The following CADPS variants were observed in gnomAD, a reference collection of about 807,000 sequenced individuals.
The protein encoded by CADPS is calcium dependent secretion activator.
A neutral mutation model predicts 167.3 loss-of-function variants in CADPS; 57 were observed. The observed-to-expected ratio is 0.34, with a 90% confidence interval of 0.28 to 0.42. CADPS has a LOEUF of 0.42. Ranked by LOEUF, CADPS falls within the 20% of genes least tolerant of loss-of-function variation. The pLI is 1.00. For synonymous variants in CADPS, 676 were observed against 635.3 expected, an observed-to-expected ratio of 1.06 and a Z score of -0.96; for missense variants, 1,414 against 1,738.1, an observed-to-expected ratio of 0.81 and a Z score of 3.32.
At chr3:62,639,543 G>GT (rs1421299731) in intron 6 of CADPS, among the ~76,000 whole-genome samples, 2 of 152,086 alleles carry the variant, frequency 1.3e-5, no homozygotes, top group African/African-American at 4.8e-5. Flanking sequence ...TTCAAAGGTC[G>GT]TATCTGTGTT....
chr3:62,507,154 C>G (rs185382720), intron 17 of CADPS, among the ~76,000 whole-genome samples: 2 of 152,110 alleles, frequency 1.3e-5, no homozygotes, highest in African/African-American at 4.8e-5. Context: ...CTGTCTTGGG[C>G]GGGAGCTTGG....
At chr3:62,558,866 G>A (rs1362789239) in intron 9 of CADPS, among the ~76,000 whole-genome samples, 1 of 152,196 alleles carries the variant, frequency 6.6e-6, no homozygotes, top group Non-Finnish European at 1.5e-5. Flanking sequence ...CTGGGTCACT[G>A]AGAGTATTTT....
chr3:62,669,098 C>G (rs761694622), intron 3 of CADPS, among the ~76,000 whole-genome samples: 2 of 152,194 alleles, frequency 1.3e-5, no homozygotes, highest in African/African-American at 2.4e-5. Context: ...ACAGGGGTCT[C>G]TATAAGCAGC....
intron 9 of CADPS, 49 bp from the exon 10 acceptor site, chr3:62,557,562 T>C (rs1217366256): frequency 7.0e-7 from 1 of 1,436,592 alleles, no homozygotes; most frequent in African/African-American, 1.4e-5. Context: ...GCCTGTCTTC[T>C]CCAAAAAACC....
At chr3:62,811,214 T>G (rs928072062) in intron 1 of CADPS, among the ~76,000 whole-genome samples, 3 of 151,694 alleles carry the variant, frequency 2.0e-5, no homozygotes. Flanking sequence ...ACTAAGAGAG[T>G]AGCCTAACAT....
intron 1 of CADPS, among the ~76,000 whole-genome samples, chr3:62,839,222 T>C (rs1017487986): frequency 9.2e-5 from 14 of 151,768 alleles, no homozygotes; most frequent in Non-Finnish European, 1.9e-4. Context: ...TGAGACAGAG[T>C]CTTGCTCGGT....
At chr3:62,440,968 G>C (rs1427844517) in intron 27 of CADPS, 3 of 152,220 alleles carry the variant, frequency 2.0e-5, no homozygotes, top group Non-Finnish European at 2.9e-5. Flanking sequence ...CTGAGTCATT[G>C]AGAAAAGATT....
At chr3:62,689,560 C>CT (rs1410461102) in intron 3 of CADPS, among the ~76,000 whole-genome samples, 2 of 151,918 alleles carry the variant, frequency 1.3e-5, no homozygotes, top group African/African-American at 4.8e-5. Flanking sequence ...AAAATGTAGT[C>CT]TTTTTTTATA....
At chr3:62,477,107 T>G (rs1488586738) in intron 23 of CADPS, among the ~76,000 whole-genome samples, 2 of 152,220 alleles carry the variant, frequency 1.3e-5, no homozygotes, top group Non-Finnish European at 2.9e-5. Flanking sequence ...GCTGAGATGC[T>G]GTTCACCTAC....
chr3:62,515,910 A>C, intron 16 of CADPS, 149 bp downstream of exon 16: 1 of 867,854 alleles, frequency 1.2e-6, no homozygotes, highest in Non-Finnish European at 1.7e-6. Flanking sequence ...ACAGCCAAGG[A>C]AACTTCGACA....
intron 18 of CADPS, among the ~76,000 whole-genome samples, chr3:62,496,681 T>C (rs887808288): frequency 7.9e-5 from 12 of 152,178 alleles, no homozygotes; most frequent in African/African-American, 2.9e-4. Flanking sequence ...AGAGAAGTTA[T>C]ACTGGAAGAG....
In CADPS at chr3:62,814,326, A is replaced by C. The variant is rs142270173; in HGVS notation, c.442-48342T>G. 848 of 152,272 alleles carry C rather than the reference A, an allele frequency of 5.6e-3. 11 individuals carry two copies. Among genetic ancestry groups the C allele is most frequent in the African/African-American group, 0.019 (785 of 41,562 alleles). 9.4% of individuals were successfully genotyped at this position (152,272 alleles called of 1,614,324 possible). ...AATAAAAACAGGTGAAATTTTCATA[A>C]TATGTTTAACTCAATATAGCCACAA... On this transcript the variant is annotated intron_variant, in intron 1 of 29. Transcript: ENST00000383710.
chr3:62,713,972 T>G (rs1253935700), intron 3 of CADPS, among the ~76,000 whole-genome samples: 2 of 152,206 alleles, frequency 1.3e-5, no homozygotes, highest in Non-Finnish European at 2.9e-5. Flanking sequence ...TCTATATTCT[T>G]TATATTATTC....
At chr3:62,437,653 A>T (rs1308773546) in intron 28 of CADPS, among the ~76,000 whole-genome samples, 3 of 152,160 alleles carry the variant, frequency 2.0e-5, no homozygotes, top group African/African-American at 7.2e-5. Context: ...TTGAAGTGAT[A>T]ACGATGCGAC....
intron 13 of CADPS, among the ~76,000 whole-genome samples, chr3:62,528,212 G>C (rs1365128241): frequency 6.6e-6 from 1 of 152,174 alleles, no homozygotes; most frequent in Non-Finnish European, 1.5e-5. Flanking sequence ...TAGGAAGGTA[G>C]AGTGGTTACA....
chr3:62,617,725 C>T (rs1178623978), intron 6 of CADPS, among the ~76,000 whole-genome samples: 2 of 152,058 alleles, frequency 1.3e-5, no homozygotes, highest in Non-Finnish European at 2.9e-5. Context: ...CAGTTCTTTC[C>T]TTTCACAGAG....
chr3:62,784,549 C>T (rs1353608899), intron 1 of CADPS, among the ~76,000 whole-genome samples: 1 of 152,116 alleles, frequency 6.6e-6, no homozygotes, highest in Non-Finnish European at 1.5e-5. Flanking sequence ...TATTATGTGT[C>T]TACTGATGGA....
chr3:62,861,441 G>A (rs2080787192), intron 1 of CADPS, among the ~76,000 whole-genome samples: 1 of 152,134 alleles, frequency 6.6e-6, no homozygotes, highest in Non-Finnish European at 1.5e-5. Context: ...TTGCTGTAGG[G>A]AAATGCCTTT....
At chr3:62,437,661 G>T (rs574606394) in intron 28 of CADPS, among the ~76,000 whole-genome samples, 6 of 152,110 alleles carry the variant, frequency 3.9e-5, no homozygotes, top group Non-Finnish European at 7.3e-5. Flanking sequence ...ATAACGATGC[G>T]ACATTTACTG....
Sources: gnomAD v4.1 joint callset for allele counts (sites outside exome capture counted in the v4.1 genomes callset) on GRCh38, gnomAD v4.1.1 for gene constraint, MANE v1.5 for transcripts, NCBI Gene and HGNC (gene_info 2026-07-23, HGNC 2026-07-21) for gene names.